Variants in RPS6KA2 observed in about 807,000 individuals in gnomAD.
The protein encoded by RPS6KA2 is ribosomal protein S6 kinase A2.
A neutral mutation model predicts 91.8 loss-of-function variants in RPS6KA2; 42 were observed. The ratio of observed to expected loss-of-function variants is 0.46; its 90% CI spans 0.36 to 0.59. The LOEUF is 0.59. Ranked by LOEUF, RPS6KA2 falls within the 20% of genes least tolerant of loss-of-function variation. The pLI is 0.00. For missense variants in RPS6KA2, 798 were observed against 978.5 expected (o/e 0.82, Z 2.46); for synonymous variants, 414 against 393.6 (o/e 1.05, Z -0.61).
intron 2 of RPS6KA2, among the ~76,000 whole-genome samples, chr6:166,634,969 C>A (rs750141251): frequency 1.4e-4 from 22 of 152,002 alleles, no homozygotes; most frequent in Non-Finnish European, 2.4e-4. Flanking sequence ...CCTTAAAAAT[C>A]CACAGGAAAA....
chr6:166,848,880 C>T (rs192673380), intron 2 of RPS6KA2, among the ~76,000 whole-genome samples: 34 of 151,950 alleles, frequency 2.2e-4, no homozygotes, highest in Non-Finnish European at 3.4e-4. Context: ...CAAATACCAC[C>T]CGTTCCCCAA....
Position 166,419,038 on chromosome 6 carries a change from A to G in RPS6KA2, c.1821-696T>C, listed in dbSNP as rs1778635394. Reference sequence around the variant, plus strand: ...CTGAGGTTCCTTCCTTTGCTACTGCAGTCCTCAGGGTGCGGCTTCAGGGCC... The same window carrying G: ...CTGAGGTTCCTTCCTTTGCTACTGCGGTCCTCAGGGTGCGGCTTCAGGGCC... On this transcript the variant is annotated intron_variant, in intron 18 of 20. Transcript: ENST00000265678. The surrounding 1 kb of genome is among the most constrained non-coding windows in gnomAD (Gnocchi z 5.6). Among the ~76,000 whole-genome samples, 1 of 152,238 alleles carries G rather than the reference A, an allele frequency of 6.6e-6. No individual in the cohort carries two copies. The highest frequency in any genetic ancestry group is 2.1e-4 in the South Asian group (1 of 4,832).
rs1781730832 is a variant in RPS6KA2 at position 166,494,865 on chromosome 6, C to T, written c.747+3643G>A. On this transcript the variant is annotated intron_variant, in intron 8 of 20. Transcript: ENST00000265678. The surrounding 1 kb of genome is among the most constrained non-coding windows in gnomAD (Gnocchi z 5.1). ...AGCACGCGGCCTCCAGGGTCTCAGC[C>T]TTCTTTTAAAACAAGGCCCCTCACA... Among the ~76,000 whole-genome samples the T allele has an allele frequency of 6.6e-6, 1 of 152,228 alleles. No individual in the cohort carries two copies. Among genetic ancestry groups the T allele is most frequent in the South Asian group, 2.1e-4 (1 of 4,836 alleles).
At chr6:166,447,390 C>T (rs79577118) in intron 14 of RPS6KA2, among the ~76,000 whole-genome samples, 1,642 of 152,244 alleles carry the variant, frequency 0.011, 36 homozygotes, top group African/African-American at 0.037. Flanking sequence ...ATTATTTCTC[C>T]ATATTTAAAC....
chr6:166,429,957 C>CTTTT (rs1441324687), intron 16 of RPS6KA2, among the ~76,000 whole-genome samples: 22 of 150,336 alleles, frequency 1.5e-4, no homozygotes, highest in African/African-American at 4.7e-4. Flanking sequence ...AAGAATTTTT[C>CTTTT]TTTTCTTTTT....
At chr6:166,757,661 T>C (rs1334729381) in intron 2 of RPS6KA2, 6 of 454,740 alleles carry the variant, frequency 1.3e-5, no homozygotes, top group Middle Eastern at 3.3e-4. Flanking sequence ...TTTTATCACC[T>C]TGTGGGCTGC....
intron 2 of RPS6KA2, among the ~76,000 whole-genome samples, chr6:166,834,203 T>C (rs927853867): frequency 7.9e-5 from 12 of 152,352 alleles, no homozygotes; most frequent in African/African-American, 2.6e-4. Context: ...CACTTGATGC[T>C]GTCAGACTTT....
At chr6:166,725,762 C>T (rs1032757523) in intron 2 of RPS6KA2, among the ~76,000 whole-genome samples, 11 of 152,206 alleles carry the variant, frequency 7.2e-5, no homozygotes, top group Admixed American at 1.3e-4. Context: ...CTCGGGCCAG[C>T]GTGGACGTTC....
intron 3 of RPS6KA2, among the ~76,000 whole-genome samples, chr6:166,512,391 A>G (rs538364322): frequency 6.6e-6 from 1 of 152,340 alleles, no homozygotes; most frequent in South Asian, 2.1e-4. Context: ...TGAGGACAAC[A>G]TTGTGAATGT....
intron 10 of RPS6KA2, among the ~76,000 whole-genome samples, chr6:166,487,328 G>A (rs1781445760): frequency 1.3e-5 from 2 of 152,080 alleles, no homozygotes; most frequent in Admixed American, 6.5e-5. Context: ...CATGCCACGG[G>A]GAGCTCACCG....
intron 1 of RPS6KA2, among the ~76,000 whole-genome samples, chr6:166,615,543 C>A (rs948248269): frequency 3.3e-5 from 5 of 152,146 alleles, no homozygotes; most frequent in Admixed American, 2.0e-4. Flanking sequence ...CTGCTGACCC[C>A]CTGGGGCCCC....
chr6:166,507,763 TAC>T (rs1250848108), intron 5 of RPS6KA2, among the ~76,000 whole-genome samples: 2 of 146,064 alleles, frequency 1.4e-5, no homozygotes, highest in Non-Finnish European at 3.0e-5. Flanking sequence ...GCCTGACATA[TAC>T]ACACAGCACA....
At chr6:166,468,552 C>T (rs547640576) in intron 11 of RPS6KA2, among the ~76,000 whole-genome samples, 6 of 151,940 alleles carry the variant, frequency 3.9e-5, no homozygotes, top group Non-Finnish European at 1.5e-5. Context: ...GTGGAGGCCC[C>T]GGACTCCATG....
rs1379773425 is a variant in RPS6KA2 at position 166,801,957 on chromosome 6, A to AT, written c.123+56242dup. On this transcript the variant is annotated intron_variant, in intron 2 of 21. Coordinates refer to the RPS6KA2 transcript ENST00000503859. ...CTGAGAGGAAAATTAAAAAAAAAAA[A>AT]TTTTTAAATCCCTCCCTAGGCCGGG... is the stretch of plus-strand genomic sequence containing the variant. 7.9e-5 allele frequency among the ~76,000 whole-genome samples: 12 copies of AT among 151,806 alleles called. No homozygotes were observed. In the South Asian group the frequency reaches 8.3e-4, roughly 10 times the overall value.
At chr6:166,805,756 T>C (rs904849389) in intron 2 of RPS6KA2, among the ~76,000 whole-genome samples, 2 of 152,044 alleles carry the variant, frequency 1.3e-5, no homozygotes, top group Admixed American at 6.5e-5. Context: ...ATAAGGCTCA[T>C]TCAAAGGAAA....
At chr6:166,521,866 C>T (rs1336363467) in intron 3 of RPS6KA2, among the ~76,000 whole-genome samples, 1 of 152,148 alleles carries the variant, frequency 6.6e-6, no homozygotes, top group African/African-American at 2.4e-5. Flanking sequence ...TGAAACCTAA[C>T]CCCCAGTGTG....
intron 2 of RPS6KA2, among the ~76,000 whole-genome samples, chr6:166,708,093 A>G (rs1211497748): frequency 6.6e-6 from 1 of 152,192 alleles, no homozygotes; most frequent in Non-Finnish European, 1.5e-5. Flanking sequence ...AAAAAGGAAA[A>G]TATTCTCCGG....
rs773623513 is a variant in RPS6KA2, at chr6:166,418,203, C to G, written c.1938+22G>C. ...ATTTCAGAATCTGAATATTTAAAAG[C>G]AACGCTGGGACATGTACTCACTTTA... On this transcript the variant is annotated intron_variant, in intron 19 of 20. Transcript: ENST00000265678. The surrounding 1 kb of genome is among the most constrained non-coding windows in gnomAD (Gnocchi z 4.9). 17 of 1,462,980 alleles carry G rather than the reference C, an allele frequency of 1.2e-5. No homozygotes were observed. Among genetic ancestry groups the G allele is most frequent in the Non-Finnish European group, 1.6e-5 (17 of 1,053,250 alleles). The allele number at this position is 1,462,980 out of a possible 1,614,324, so 90.6% of individuals were successfully genotyped here.
intron 20 of RPS6KA2, among the ~76,000 whole-genome samples, chr6:166,413,128 T>G (rs1475054411): frequency 6.6e-6 from 1 of 152,064 alleles, no homozygotes; most frequent in Non-Finnish European, 1.5e-5. Context: ...ACCCTGGCAC[T>G]GTGCTTGTGC....
Sources: gnomAD v4.1 joint callset for allele counts (sites outside exome capture counted in the v4.1 genomes callset) on GRCh38, gnomAD v4.1.1 for gene constraint, Gnocchi (gnomAD v3.1) non-coding constraint, MANE v1.5 for transcripts, NCBI Gene and HGNC (gene_info 2026-07-23, HGNC 2026-07-21) for gene names.